CHRNB4: variants seen among roughly 807,000 people sequenced by gnomAD.
CHRNB4 encodes neuronal acetylcholine receptor subunit beta-4.
A neutral mutation model predicts 40.4 loss-of-function variants in CHRNB4; 23 were observed. The observed-to-expected ratio is 0.57, with a 90% CI of 0.41 to 0.81. The LOEUF (loss-of-function observed/expected upper bound fraction) is 0.81, where lower values mean the gene tolerates loss of function less well. CHRNB4 is among the 30% of genes least tolerant of loss of function. The pLI, the probability that CHRNB4 is intolerant of heterozygous loss-of-function variation, is 0.00. For missense variants in CHRNB4, 568 were observed against 670.6 expected (o/e 0.85, Z 1.69); for synonymous variants, 285 against 274.4 (o/e 1.04, Z -0.38).
At chr15:78,649,691 C>T (rs2141407672) in intron 6 of CHRNB4, among the ~76,000 whole-genome samples, 1 of 152,170 alleles carries the variant, frequency 6.6e-6, no homozygotes, top group South Asian at 2.1e-4. Context: ...TGGACATATA[C>T]ATATTAGCTA....
At chr15:78,638,457 T>C (rs750343609) in intron 1 of CHRNB4, among the ~76,000 whole-genome samples, 4 of 152,240 alleles carry the variant, frequency 2.6e-5, no homozygotes, top group Non-Finnish European at 5.9e-5. Flanking sequence ...GAACCAGGTA[T>C]AGGAGCCTCT....
intron 6 of CHRNB4, among the ~76,000 whole-genome samples, chr15:78,651,116 A>G (rs189392931): frequency 2.3e-3 from 352 of 152,222 alleles, no homozygotes; most frequent in African/African-American, 7.3e-3. Flanking sequence ...GTTCCTGAAA[A>G]ACAGCTGAAG....
intron 5 of CHRNB4, among the ~76,000 whole-genome samples, chr15:78,654,183 T>G (rs1226396411): frequency 6.6e-6 from 1 of 152,168 alleles, no homozygotes; most frequent in Non-Finnish European, 1.5e-5. Context: ...AGAAGCCTAA[T>G]GCTCTGTACC....
chr15:78,625,739 C>T (rs75502265), intron 5 of CHRNB4, among the ~76,000 whole-genome samples: 1 of 152,102 alleles, frequency 6.6e-6, no homozygotes, highest in Non-Finnish European at 1.5e-5. Context: ...GCAGAGAAAC[C>T]GGGGCTTACA....
chr15:78,635,382 T>A, intron 2 of CHRNB4, 57 bp downstream of exon 2: 1 of 1,591,790 alleles, frequency 6.3e-7, no homozygotes, highest in Non-Finnish European at 8.5e-7. Flanking sequence ...CGCCTGGGGC[T>A]TGGGCATGAG....
upstream of CHRNB4, among the ~76,000 whole-genome samples, chr15:78,644,179 C>A (rs908541756): frequency 6.6e-6 from 1 of 151,038 alleles, no homozygotes; most frequent in Non-Finnish European, 1.5e-5. Flanking sequence ...AAAAAAGATT[C>A]TATTCACAAT....
chr15:78,639,332 G>C (rs1336747973), intron 1 of CHRNB4, among the ~76,000 whole-genome samples: 2 of 152,158 alleles, frequency 1.3e-5, no homozygotes, highest in Non-Finnish European at 2.9e-5. Flanking sequence ...GTCTTGATCT[G>C]TCGCCCAGGC....
At chr15:78,660,394 C>T (rs923918669) in intron 1 of CHRNB4, 1 of 152,216 alleles carries the variant, frequency 6.6e-6, no homozygotes, top group Non-Finnish European at 1.5e-5. Flanking sequence ...TGGGAGAAGC[C>T]AAAAACCCTC....
rs762691548 is a variant in CHRNB4, at chr15:78,629,675, CCTT to C, written c.627_629del (p.Arg210del). On this transcript the variant is annotated inframe_deletion, in exon 5 of 6. Coordinates refer to ENST00000261751, the MANE Select transcript of CHRNB4 (RefSeq NM_000750.5). The surrounding 1 kb of genome is among the most constrained non-coding windows in gnomAD (Gnocchi z 6.8). ...AGCTGGGGTCTTGTGGGTTCACTGTCCTTCTCCCTGGGAGGGCCACTATGTCCC... is the reference window on the plus strand; with the variant it reads ...AGCTGGGGTCTTGTGGGTTCACTGTCCTCCCTGGGAGGGCCACTATGTCCC... 6.2e-6 allele frequency: 10 copies of C among 1,614,112 alleles called. No individual in the cohort carries two copies. Among genetic ancestry groups the C allele is most frequent in the Admixed American group, 1.7e-5 (1 of 60,014 alleles).
At position 78,631,802 on chromosome 15, in the gene CHRNB4, C is replaced by T. The variant is rs144874457; in HGVS notation, c.205-470G>A. 3.5e-3 allele frequency among the ~76,000 whole-genome samples: 538 copies of T among 152,268 alleles called. 3 individuals carry two copies. Among genetic ancestry groups the T allele is most frequent in the African/African-American group, 0.012 (517 of 41,546 alleles). On this transcript the variant is annotated intron_variant, in intron 2 of 5. Coordinates refer to ENST00000261751, the MANE Select transcript of CHRNB4 (RefSeq NM_000750.5). The stretch of plus-strand genomic sequence containing the variant: ...CATGGTAGCCAGGGTGATCCCTTTA[C>T]AATCTCAATCCCTTCTACTAATTGT...
intron 4 of CHRNB4, 58 bp downstream of exon 4, chr15:78,631,018 G>T: frequency 7.3e-7 from 1 of 1,376,498 alleles, no homozygotes; most frequent in South Asian, 1.2e-5. Flanking sequence ...GACTCTTAGG[G>T]CTGGGCCTGC....
At chr15:78,638,952 G>A (rs2054013861) in intron 1 of CHRNB4, among the ~76,000 whole-genome samples, 1 of 152,214 alleles carries the variant, frequency 6.6e-6, no homozygotes, top group African/African-American at 2.4e-5. Flanking sequence ...CTGATGAGGA[G>A]TGGGCCCCAC....
chr15:78,656,675 A>G (rs2054216708), exon 4 of CHRNB4: 1 of 152,238 alleles, frequency 6.6e-6, no homozygotes, highest in Non-Finnish European at 1.5e-5. Flanking sequence ...GCTGTAGAAG[A>G]TAAGATGTCA....
At chr15:78,649,580 G>GATA in intron 6 of CHRNB4, 1 of 284,728 alleles carries the variant, frequency 3.5e-6, no homozygotes, top group South Asian at 3.0e-5. Flanking sequence ...TACACAAAAA[G>GATA]TTTGCTGACC....
In CHRNB4 at chr15:78,629,913, G is replaced by A. The variant is rs755949442; in HGVS notation, c.392C>T (p.Thr131Ile). ...ADGTYEVSVY[T>I]NLIVRSNGSV... ...GCCGTTGGACCGGACTATCAAGTTG[G>A]TGTAGACAGACACCTCATAGGTCCC... The change falls in exon 5 of 6, where the codon ACC (threonine) becomes ATC (isoleucine). Residue 131 changes from threonine (T) to isoleucine (I), a missense_variant. Around this residue, in one of 4 missense-constraint regions of CHRNB4, gnomAD observed 127 missense variants for 167.4 expected, o/e 0.76. Coordinates refer to ENST00000261751, the MANE Select transcript of CHRNB4 (RefSeq NM_000750.5). This position sits in a 1 kb window ranked among gnomAD's most constrained non-coding sequence, Gnocchi z 6.8. 18 of 1,606,312 alleles carry A rather than the reference G, an allele frequency of 1.1e-5. No individual in the cohort carries two copies. Among genetic ancestry groups the A allele is most frequent in the Non-Finnish European group, 1.5e-5 (18 of 1,177,760 alleles).
chr15:78,647,299 C>T (rs575869151), intron 7 of CHRNB4, among the ~76,000 whole-genome samples: 3 of 151,760 alleles, frequency 2.0e-5, no homozygotes, highest in Non-Finnish European at 4.4e-5. Context: ...TCAAAGGATA[C>T]ATATCTAGAA....
At chr15:78,650,007 G>GTTTT (rs35068589) in intron 6 of CHRNB4, among the ~76,000 whole-genome samples, 3 of 151,550 alleles carry the variant, frequency 2.0e-5, no homozygotes, top group African/African-American at 7.3e-5. Context: ...TATCAATTTT[G>GTTTT]TTTTTTTTAA....
intron 2 of CHRNB4, chr15:78,634,583 G>A (rs1036132305): frequency 1.7e-5 from 7 of 401,812 alleles, no homozygotes; most frequent in African/African-American, 4.1e-5. Context: ...TGGGCCAACC[G>A]TGCTAGAGAG....
intron 7 of CHRNB4, among the ~76,000 whole-genome samples, chr15:78,647,682 TAAAAATCCAA>T (rs2054135740): frequency 1.8e-5 from 1 of 54,192 alleles, no homozygotes; most frequent in African/African-American, 9.2e-5. Flanking sequence ...CCGTCTCTAC[TAAAAATCCAA>T]AAAAAAAAAA....
Sources: gnomAD v4.1 joint callset for allele counts (sites outside exome capture counted in the v4.1 genomes callset) on GRCh38, gnomAD v4.1.1 for gene constraint, gnomAD v4.1.1 regional missense constraint, Gnocchi (gnomAD v3.1) non-coding constraint, MANE v1.5 for transcripts, NCBI Gene and HGNC (gene_info 2026-07-23, HGNC 2026-07-21) for gene names.